Variants in STON2 observed in about 807,000 individuals in gnomAD.
STON2 encodes the protein stonin 2, also known as stonin-2.
Under a neutral mutation model 65.7 loss-of-function variants are expected in STON2, and 29 were observed. The observed-to-expected ratio is 0.44, with a 90% CI of 0.33 to 0.60. The LOEUF is 0.60. Ranked by LOEUF, STON2 falls within the 20% of genes least tolerant of loss-of-function variation. The pLI, the probability that STON2 is intolerant of heterozygous loss-of-function variation, is 0.03. For missense variants in STON2, 1,054 were observed against 1,118.1 expected (o/e 0.94, Z 0.82); for synonymous variants, 404 against 414.2 (o/e 0.98, Z 0.30).
At chr14:81,358,024 A>T (rs1898326615) in intron 4 of STON2, among the ~76,000 whole-genome samples, 1 of 152,032 alleles carries the variant, frequency 6.6e-6, no homozygotes, top group African/African-American at 2.4e-5. Flanking sequence ...TGTACCCTAA[A>T]ACTTAAAGTA....
chr14:81,293,839 A>G (rs1895657617), intron 5 of STON2, among the ~76,000 whole-genome samples: 1 of 152,128 alleles, frequency 6.6e-6, no homozygotes, highest in African/African-American at 2.4e-5. Flanking sequence ...TGAGCCTAGC[A>G]CAGGTAGGGG....
chr14:81,394,931 T>A (rs1289461340), intron 3 of STON2: 1 of 152,134 alleles, frequency 6.6e-6, no homozygotes, highest in East Asian at 1.9e-4. Flanking sequence ...TGGTGACTTG[T>A]TACAGCAGCA....
At chr14:81,310,323 G>T (rs759787063) in intron 5 of STON2, among the ~76,000 whole-genome samples, 96 of 152,238 alleles carry the variant, frequency 6.3e-4, no homozygotes, top group Non-Finnish European at 1.1e-3. Flanking sequence ...TTTGTGATGT[G>T]CCTGCTTGTC....
chr14:81,375,288 C>T (rs1899199229), intron 3 of STON2, among the ~76,000 whole-genome samples: 1 of 151,938 alleles, frequency 6.6e-6, no homozygotes, highest in Non-Finnish European at 1.5e-5. Flanking sequence ...GACAAAAAGA[C>T]TGACAGGTTG....
intron 4 of STON2, among the ~76,000 whole-genome samples, chr14:81,361,158 G>A (rs1460803133): frequency 6.6e-6 from 1 of 151,824 alleles, no homozygotes; most frequent in Non-Finnish European, 1.5e-5. Context: ...ATTCCACACT[G>A]AATTAAAAAC....
chr14:81,306,029 C>T lies in STON2; in HGVS notation c.742+17988G>A, dbSNP rs143175708. 3.7e-4 allele frequency among the ~76,000 whole-genome samples: 56 copies of T among 151,810 alleles called. No homozygotes were observed. The East Asian group carries it at 9.5e-3, about 26-fold the overall frequency. ...TAGCTCTGGCCTTTTCTGAGCTTGG[C>T]CTTTCTGCTTGATTATTTAACTTCC... On this transcript the variant is annotated intron_variant, in intron 5 of 7. Coordinates refer to ENST00000614646, the MANE Select transcript of STON2 (RefSeq NM_001394390.1).
chr14:81,410,278 C>CAAAAAAAAAAAAAA (rs1161157573), intron 2 of STON2, among the ~76,000 whole-genome samples: 6 of 45,780 alleles, frequency 1.3e-4, no homozygotes, highest in African/African-American at 1.9e-4. Context: ...TAACTCTAAC[C>CAAAAAAAAAAAAAA]AAAAAAAAAA....
At chr14:81,335,610 C>G (rs991534614) in intron 4 of STON2, among the ~76,000 whole-genome samples, 5 of 152,124 alleles carry the variant, frequency 3.3e-5, no homozygotes, top group Non-Finnish European at 5.9e-5. Flanking sequence ...GAGGAAAGAG[C>G]TGAAGGGAGA....
intron 4 of STON2, among the ~76,000 whole-genome samples, chr14:81,363,204 G>T (rs969024920): frequency 2.0e-5 from 3 of 152,074 alleles, no homozygotes; most frequent in African/African-American, 7.2e-5. Context: ...CATAAAATGG[G>T]ATAATATGTA....
chr14:81,292,365 C>A (rs1008118530), intron 5 of STON2, among the ~76,000 whole-genome samples: 1 of 152,054 alleles, frequency 6.6e-6, no homozygotes, highest in Non-Finnish European at 1.5e-5. Context: ...AGATCTTGAC[C>A]CATGCCAGGT....
At chr14:81,364,293 G>A (rs1426261354) in intron 4 of STON2, among the ~76,000 whole-genome samples, 3 of 152,174 alleles carry the variant, frequency 2.0e-5, no homozygotes, top group Admixed American at 2.0e-4. Context: ...TACAAAGAAA[G>A]TCTGGCAAAA....
At chr14:81,422,885 A>T (rs1901775634) in intron 2 of STON2, among the ~76,000 whole-genome samples, 1 of 152,112 alleles carries the variant, frequency 6.6e-6, no homozygotes, top group Non-Finnish European at 1.5e-5. Context: ...TACAAAAAAA[A>T]TTAGCTGGGT....
At chr14:81,287,063 CAT>C (rs1895360546) in intron 5 of STON2, among the ~76,000 whole-genome samples, 1 of 152,144 alleles carries the variant, frequency 6.6e-6, no homozygotes, top group Non-Finnish European at 1.5e-5. Context: ...CATCTATTTA[CAT>C]AGAGAAGTCT....
At chr14:81,426,917 T>C (rs550027933) in intron 2 of STON2, among the ~76,000 whole-genome samples, 1 of 152,366 alleles carries the variant, frequency 6.6e-6, no homozygotes, top group Non-Finnish European at 1.5e-5. Context: ...GATGTTCACC[T>C]ACCGCTTTAT....
Position 81,270,759 on chromosome 14 carries a change from C to T in STON2, c.2695G>A (p.Ala899Thr). Residue 899 changes from alanine to threonine, a missense_variant, in exon 7 of 8, where the codon GCC (alanine) becomes ACC (threonine). Ala to Thr is a moderately conservative substitution (Grantham distance 58, BLOSUM62 0). Transcript: ENST00000614646. Reference sequence around the variant, plus strand: ...ATAGATCTCACGCTGGCTTTGGAGGCAGAAGTTGTGGGCATGCTGAACTCG... The same window carrying T: ...ATAGATCTCACGCTGGCTTTGGAGGTAGAAGTTGTGGGCATGCTGAACTCG... ...NVEFSMPTTSASKASVRSISV... is the reference protein window; with the variant it reads ...NVEFSMPTTSTSKASVRSISV... 6.2e-7 allele frequency: 1 copy of T among 1,614,134 alleles called. No homozygotes were observed. The highest frequency in any genetic ancestry group is 8.5e-7 in the Non-Finnish European group (1 of 1,180,036).
rs115475606 is a variant in STON2 at position 81,266,769 on chromosome 14, G to A, written c.*1645C>T. Reference sequence around the variant, plus strand: ...AGGAAATATTTCTCTATAAACTACCGTGAAACCAGGTCTTCCTAACACCGT... The same window carrying A: ...AGGAAATATTTCTCTATAAACTACCATGAAACCAGGTCTTCCTAACACCGT... On this transcript the variant is annotated 3_prime_UTR_variant, in exon 8 of 8. Transcript: ENST00000614646. The A allele has an allele frequency of 2.8e-5, 28 of 984,598 alleles. No individual in the cohort carries two copies. The African/African-American group carries it at 3.3e-4, about 12-fold the overall frequency. The allele number at this position is 984,598 out of a possible 1,614,324, so 61.0% of individuals were successfully genotyped here.
rs897395297 is a variant in STON2 at position 81,376,589 on chromosome 14, A to T, written c.374-5404T>A. On this transcript the variant is annotated intron_variant, in intron 3 of 7. Transcript: ENST00000614646. ...AATCTTCCACTAACTACTCCAGAGT[A>T]CACAAGAAGAAAGGCCACTCATCTA... Among the ~76,000 whole-genome samples the T allele has an allele frequency of 6.6e-5, 10 of 152,298 alleles. 1 individual carries two copies. Among genetic ancestry groups the T allele is most frequent in the Admixed American group, 3.3e-4 (5 of 15,302 alleles).
intron 4 of STON2, among the ~76,000 whole-genome samples, chr14:81,347,264 T>C (rs1036831514): frequency 6.6e-6 from 1 of 151,408 alleles, no homozygotes; most frequent in African/African-American, 2.4e-5. Flanking sequence ...AATACACAAA[T>C]AAAAAGGATC....
chr14:81,344,042 G>C (rs1014453785), intron 4 of STON2, among the ~76,000 whole-genome samples: 2 of 151,940 alleles, frequency 1.3e-5, no homozygotes, highest in African/African-American at 4.8e-5. Flanking sequence ...CTAGCTCATG[G>C]CTCTTTCATA....
Sources: gnomAD v4.1 joint callset for allele counts (sites outside exome capture counted in the v4.1 genomes callset) on GRCh38, gnomAD v4.1.1 for gene constraint, MANE v1.5 for transcripts, NCBI Gene and HGNC (gene_info 2026-07-23, HGNC 2026-07-21) for gene names.